Variants in ERBB4 observed in about 807,000 individuals in gnomAD.
ERBB4 encodes erb-b2 receptor tyrosine kinase 4.
In ERBB4, 42 loss-of-function variants were observed where a neutral mutation model predicts 158.0. The observed-to-expected ratio is 0.27, with a 90% CI of 0.21 to 0.34. The LOEUF (loss-of-function observed/expected upper bound fraction) is 0.34, where lower values mean the gene tolerates loss of function less well. Ranked by LOEUF, ERBB4 falls within the 10% of genes least tolerant of loss-of-function variation. The pLI is 1.00. For missense variants in ERBB4, 1,333 were observed against 1,624.1 expected (o/e 0.82, Z 3.08); for synonymous variants, 583 against 558.7 (o/e 1.04, Z -0.61).
In ERBB4 at chr2:211,415,107, CTTTTTTTTTTT is replaced by C. The variant is rs71047175; in HGVS notation, c.3135+5323_3135+5333del. On this transcript the variant is annotated intron_variant, in intron 25 of 27. Coordinates refer to ENST00000342788, the MANE Select transcript of ERBB4 (RefSeq NM_005235.3). ...CAAATCCCATTGAAACTTACATTTT[CTTTTTTTTTTT>C]TTTTTTTTTTTTTTTTGAGACGGAG... is the stretch of plus-strand genomic sequence containing the variant. 5.8e-3 allele frequency among the ~76,000 whole-genome samples: 423 copies of C among 72,536 alleles called. 3 individuals carry two copies. The highest frequency in any genetic ancestry group is 0.021 in the African/African-American group (373 of 18,162). 47.6% of individuals were successfully genotyped at this position (72,536 alleles called of 152,430 possible). A position where few individuals can be genotyped will look rare whatever the true frequency, so the allele number is the denominator to read the frequency against.
At chr2:212,474,819 A>ATTTTTTTTTTTT (rs1295029698) in intron 1 of ERBB4, among the ~76,000 whole-genome samples, 2 of 72,188 alleles carry the variant, frequency 2.8e-5, no homozygotes, top group African/African-American at 9.5e-5. Flanking sequence ...ACACCCGGCC[A>ATTTTTTTTTTTT]TTCTTTTTTT....
intron 1 of ERBB4, among the ~76,000 whole-genome samples, chr2:212,242,870 G>A (rs961725841): frequency 7.2e-5 from 11 of 152,184 alleles, no homozygotes; most frequent in African/African-American, 2.7e-4. Flanking sequence ...ACTGTGGTCT[G>A]ATTGCATTAG....
intron 1 of ERBB4, among the ~76,000 whole-genome samples, chr2:212,222,618 T>G (rs2083331486): frequency 6.6e-6 from 1 of 151,054 alleles, no homozygotes; most frequent in South Asian, 2.1e-4. Context: ...TCTCTTGGCT[T>G]TTTTTTTAAT....
chr2:211,529,985 G>A (rs1315751013), intron 20 of ERBB4, among the ~76,000 whole-genome samples: 2 of 151,982 alleles, frequency 1.3e-5, no homozygotes, highest in Admixed American at 1.3e-4. Flanking sequence ...CTGGATAAAA[G>A]TGGATATCTG....
intron 25 of ERBB4, among the ~76,000 whole-genome samples, chr2:211,406,581 A>G (rs2063152685): frequency 6.6e-6 from 1 of 152,100 alleles, no homozygotes; most frequent in Admixed American, 6.6e-5. Context: ...TAAAAGAGAA[A>G]AGAAATGTCA....
chr2:211,540,538 T>TTTTTTG (rs1041021297), intron 20 of ERBB4, among the ~76,000 whole-genome samples: 4 of 151,562 alleles, frequency 2.6e-5, no homozygotes, highest in African/African-American at 4.8e-5. Context: ...TTTTTGGTGT[T>TTTTTTG]TTTTTGTTTT....
intron 4 of ERBB4, among the ~76,000 whole-genome samples, chr2:211,787,509 C>A (rs1023637204): frequency 6.6e-6 from 1 of 152,154 alleles, no homozygotes; most frequent in Non-Finnish European, 1.5e-5. Context: ...TATATGAAAT[C>A]TATATTTCTC....
intron 2 of ERBB4, among the ~76,000 whole-genome samples, chr2:212,026,123 G>A (rs61193005): frequency 0.061 from 9,232 of 151,530 alleles, 300 homozygotes; most frequent in South Asian, 0.1. Context: ...AAGCAAGCAA[G>A]ATTAAATGAG....
At chr2:211,956,545 T>G (rs1226012206) in intron 2 of ERBB4, among the ~76,000 whole-genome samples, 2 of 152,058 alleles carry the variant, frequency 1.3e-5, no homozygotes, top group Non-Finnish European at 2.9e-5. Flanking sequence ...CGCAAATTAT[T>G]CAATATTACG....
intron 1 of ERBB4, among the ~76,000 whole-genome samples, chr2:212,193,155 G>A (rs1361562783): frequency 6.6e-6 from 1 of 152,116 alleles, no homozygotes; most frequent in African/African-American, 2.4e-5. Context: ...TGATGCAATG[G>A]CAATGAAGAT....
intron 2 of ERBB4, among the ~76,000 whole-genome samples, chr2:211,991,585 TA>T (rs1472837289): frequency 6.6e-6 from 1 of 152,178 alleles, no homozygotes; most frequent in Non-Finnish European, 1.5e-5. Flanking sequence ...ATATACTTGA[TA>T]TTTTTTTCCA....
At chr2:211,693,391 A>T (rs954033320) in intron 12 of ERBB4, among the ~76,000 whole-genome samples, 7 of 152,156 alleles carry the variant, frequency 4.6e-5, no homozygotes, top group Non-Finnish European at 8.8e-5. Context: ...GTAAATGCAA[A>T]AAAACCCCAC....
chr2:212,061,097 A>G lies in ERBB4; in HGVS notation c.234+63655T>C, dbSNP rs959383122. 2.0e-5 allele frequency among the ~76,000 whole-genome samples: 3 copies of G among 152,018 alleles called. No homozygotes were observed. The South Asian group carries it at 6.2e-4, about 32-fold the overall frequency. ...GTCTGTAGGAGTGAAAAGAGAAGTCACAGGTATGGTGTCGAAGTTCCCATT... is the reference window on the plus strand; with the variant it reads ...GTCTGTAGGAGTGAAAAGAGAAGTCGCAGGTATGGTGTCGAAGTTCCCATT... On this transcript the variant is annotated intron_variant, in intron 2 of 27. Transcript: ENST00000342788.
chr2:211,539,442 C>G (rs764807882), intron 20 of ERBB4, among the ~76,000 whole-genome samples: 2 of 151,972 alleles, frequency 1.3e-5, no homozygotes, highest in Non-Finnish European at 2.9e-5. Context: ...TTTAAATAAG[C>G]ACATCTGCGT....
chr2:212,215,876 C>T (rs2083083308), intron 1 of ERBB4, among the ~76,000 whole-genome samples: 1 of 151,258 alleles, frequency 6.6e-6, no homozygotes, highest in South Asian at 2.1e-4. Context: ...GCAGTTTTAT[C>T]CTTTTAGCAA....
Position 211,630,464 on chromosome 2 carries a change from C to T in ERBB4, c.2077G>A (p.Glu693Lys), listed in dbSNP as rs1437735890. The change falls in exon 17 of 28, where the codon GAG becomes AAG. Residue 693 changes from glutamate to lysine, a missense_variant and splice_region_variant. Physicochemically the swap from Glu to Lys is moderately conservative, Grantham distance 56. Transcript: ENST00000342788. The part of the protein sequence containing the change: ...KRALRRFLET[E>K]LVEPLTPSGT... The stretch of plus-strand genomic sequence containing the variant: ...AAGAGGAGAAAGAAATACCTCACCT[C>T]TGTTTCCAAGAATCTTCTCAAGGCT... The T allele has an allele frequency of 6.2e-7, 1 of 1,613,524 alleles. No individual in the cohort carries two copies. The highest frequency in any genetic ancestry group is 2.2e-5 in the East Asian group (1 of 44,846).
chr2:212,446,619 A>ATATATATATATC (rs2092360481), intron 1 of ERBB4, among the ~76,000 whole-genome samples: 1 of 59,784 alleles, frequency 1.7e-5, no homozygotes. Flanking sequence ...ATATATATAT[A>ATATATATATATC]TATATATATA....
At chr2:212,398,717 C>T (rs1194103336) in intron 1 of ERBB4, among the ~76,000 whole-genome samples, 4 of 151,594 alleles carry the variant, frequency 2.6e-5, no homozygotes, top group Non-Finnish European at 5.9e-5. Flanking sequence ...TTTTACATGC[C>T]TCTACAATTT....
At chr2:212,250,472 T>C (rs1392634068) in intron 1 of ERBB4, among the ~76,000 whole-genome samples, 1 of 151,994 alleles carries the variant, frequency 6.6e-6, no homozygotes, top group Non-Finnish European at 1.5e-5. Context: ...CCTCCTTATT[T>C]GCTTCCTCAT....
Sources: gnomAD v4.1 joint callset for allele counts (sites outside exome capture counted in the v4.1 genomes callset) on GRCh38, gnomAD v4.1.1 for gene constraint, MANE v1.5 for transcripts, NCBI Gene and HGNC (gene_info 2026-07-23, HGNC 2026-07-21) for gene names.